The following ZFHX3 variants were observed in gnomAD, a reference collection of about 807,000 sequenced individuals.
ZFHX3 encodes zinc finger homeobox 3, also known as zinc finger homeobox protein 3.
In ZFHX3, 42 loss-of-function variants were observed where a neutral mutation model predicts 279.1. The ratio of observed to expected loss-of-function variants is 0.15; its 90% CI spans 0.12 to 0.19. The LOEUF (loss-of-function observed/expected upper bound fraction) is 0.19, where lower values mean the gene tolerates loss of function less well. ZFHX3 is among the 10% of genes least tolerant of loss of function. The pLI, the probability that ZFHX3 is intolerant of heterozygous loss-of-function variation, is 1.00. For synonymous variants in ZFHX3, 2,293 were observed against 1,957.8 expected, an observed-to-expected ratio of 1.17 and a Z score of -4.52; for missense variants, 4,981 against 4,754.0, an observed-to-expected ratio of 1.05 and a Z score of -1.40.
chr16:73,193,304 C>T lies in ZFHX3; in HGVS notation c.-1103-49473G>A, dbSNP rs539650178. Among the ~76,000 whole-genome samples, 32 of 152,310 alleles carry T rather than the reference C, an allele frequency of 2.1e-4. No homozygotes were observed. The East Asian group carries it at 6.2e-3, about 29-fold the overall frequency. ...CCTCTCTGGGCCTCAGTTTTCTAGC[C>T]TGTAACATAATCTCCACCCTGTCTG... On this transcript the variant is annotated intron_variant, in intron 5 of 17. Coordinates refer to the ZFHX3 transcript ENST00000641206.
chr16:73,092,785 G>A, intron 8 of ZFHX3: 1 of 378,678 alleles, frequency 2.6e-6, no homozygotes, highest in Middle Eastern at 9.5e-4. Flanking sequence ...GCTATTTATG[G>A]GTTGCTTGGG....
At chr16:73,526,032 G>A (rs2019686139) in intron 2 of ZFHX3, among the ~76,000 whole-genome samples, 1 of 152,156 alleles carries the variant, frequency 6.6e-6, no homozygotes, top group African/African-American at 2.4e-5. Flanking sequence ...TTGGGGACGG[G>A]GAAGGAAATA....
intron 2 of ZFHX3, among the ~76,000 whole-genome samples, chr16:73,634,433 A>ATATATATATAT (rs1197229737): frequency 2.0e-4 from 12 of 59,908 alleles, no homozygotes; most frequent in African/African-American, 5.2e-4. Context: ...TATTATGTAT[A>ATATATATATAT]ATATATATAT....
At chr16:73,209,416 G>T (rs1282445709) in intron 5 of ZFHX3, among the ~76,000 whole-genome samples, 4 of 152,158 alleles carry the variant, frequency 2.6e-5, no homozygotes, top group Admixed American at 6.5e-5. Context: ...TCTGGTGTCT[G>T]GTGAGAGCCT....
chr16:72,901,673 CAGA>C (rs1282667579), intron 3 of ZFHX3, among the ~76,000 whole-genome samples: 7 of 152,132 alleles, frequency 4.6e-5, no homozygotes, highest in African/African-American at 1.7e-4. Context: ...TTGAAAGAGA[CAGA>C]CTTGTCGGAG....
intron 2 of ZFHX3, among the ~76,000 whole-genome samples, chr16:73,502,718 G>A (rs1295721093): frequency 6.6e-6 from 1 of 152,208 alleles, no homozygotes; most frequent in East Asian, 1.9e-4. Context: ...GCCGCTGAAA[G>A]AGTGAGAAGA....
intron 1 of ZFHX3, among the ~76,000 whole-genome samples, chr16:73,832,973 T>C (rs1382624604): frequency 6.6e-6 from 1 of 152,236 alleles, no homozygotes; most frequent in African/African-American, 2.4e-5. Flanking sequence ...TGAATGTCTA[T>C]ACCAGCCTTA....
chr16:73,387,301 T>A (rs752997450), intron 3 of ZFHX3: 14 of 152,220 alleles, frequency 9.2e-5, no homozygotes, highest in Non-Finnish European at 1.8e-4. Flanking sequence ...TCACATTTCA[T>A]TCTGCTTTGT....
At chr16:72,887,274 G>A (rs72795113) in intron 4 of ZFHX3, among the ~76,000 whole-genome samples, 4,406 of 152,220 alleles carry the variant, frequency 0.029, 89 homozygotes, top group Non-Finnish European at 0.042. Context: ...AGAGCAGAGC[G>A]TTCAGAGATT....
intron 1 of ZFHX3, among the ~76,000 whole-genome samples, chr16:73,750,830 G>T (rs1199245986): frequency 1.3e-5 from 2 of 152,000 alleles, no homozygotes; most frequent in African/African-American, 2.4e-5. Context: ...TGGGAATTTA[G>T]AAAAGAAAAG....
At chr16:73,879,095 A>G (rs2030055052) in intron 1 of ZFHX3, among the ~76,000 whole-genome samples, 1 of 151,724 alleles carries the variant, frequency 6.6e-6, no homozygotes, top group South Asian at 2.1e-4. Flanking sequence ...CTTGAGGACC[A>G]AGTTAACAAC....
intron 1 of ZFHX3, among the ~76,000 whole-genome samples, chr16:73,766,181 T>G (rs2053939952): frequency 6.6e-6 from 1 of 152,192 alleles, no homozygotes; most frequent in Non-Finnish European, 1.5e-5. Flanking sequence ...AGTGACAGCG[T>G]GCATAAAATC....
chr16:73,352,484 T>C (rs1207450656), intron 3 of ZFHX3, among the ~76,000 whole-genome samples: 1 of 135,688 alleles, frequency 7.4e-6, no homozygotes, highest in African/African-American at 2.8e-5. Flanking sequence ...CTTTTTTTTT[T>C]TTTTTTTTTT....
chr16:73,588,975 C>G (rs575497440), intron 2 of ZFHX3, among the ~76,000 whole-genome samples: 7 of 151,376 alleles, frequency 4.6e-5, no homozygotes, highest in South Asian at 2.1e-4. Context: ...TAAAAAATGA[C>G]CTTGGCCAGG....
chr16:72,795,727 T>C lies in ZFHX3; in HGVS notation c.6955A>G (p.Arg2319Gly). Residue 2319 changes from arginine (R) to glycine (G), a missense_variant, in exon 9 of 10, where the codon AGA becomes GGA. Arg to Gly is a moderately radical substitution (Grantham distance 125, BLOSUM62 -2). Coordinates refer to ENST00000268489, the MANE Select transcript of ZFHX3 (RefSeq NM_006885.4). Reference protein sequence around the residue: ...DGERRELTNDRYIRTSNLNYQ... With the variant: ...DGERRELTNDGYIRTSNLNYQ... ...TTCAAGTTGCTTGTTCGAATGTATC[T>C]ATCATTTGTAAGCTCACGCCGCTCT... 1 of 1,614,166 alleles carries C rather than the reference T, an allele frequency of 6.2e-7. No homozygotes were observed. The highest frequency in any genetic ancestry group is 8.5e-7 in the Non-Finnish European group (1 of 1,180,030).
intron 1 of ZFHX3, among the ~76,000 whole-genome samples, chr16:73,752,241 C>T (rs951997295): frequency 2.6e-5 from 4 of 152,104 alleles, no homozygotes; most frequent in African/African-American, 7.2e-5. Context: ...TGGTCTATAA[C>T]GACCTCCTTT....
rs150034024 is a variant in ZFHX3, at chr16:73,427,765, C to T, written c.-1291+28238G>A. Among the ~76,000 whole-genome samples the T allele has an allele frequency of 4.2e-3, 642 of 151,168 alleles. 5 individuals are homozygous for T. The highest frequency in any genetic ancestry group is 0.015 in the African/African-American group (599 of 41,190). Reference sequence around the variant, plus strand: ...CCCGGCCAATATGGTGAAACCCTGTCTCTACTAAAAAAAAAAAAAATACAA... The same window carrying T: ...CCCGGCCAATATGGTGAAACCCTGTTTCTACTAAAAAAAAAAAAAATACAA... On this transcript the variant is annotated intron_variant, in intron 3 of 17. Coordinates refer to the ZFHX3 transcript ENST00000641206.
At chr16:72,995,768 C>T (rs1422925604) in intron 1 of ZFHX3, among the ~76,000 whole-genome samples, 3 of 152,302 alleles carry the variant, frequency 2.0e-5, no homozygotes, top group Middle Eastern at 6.8e-3. Context: ...AGCGTTTCAC[C>T]ATCAACAAAG....
chr16:73,568,325 TTAATGTCTTTGTGGGCATTTCCG>T (rs1273864388), intron 2 of ZFHX3, among the ~76,000 whole-genome samples: 72 of 152,306 alleles, frequency 4.7e-4, no homozygotes, highest in Non-Finnish European at 7.5e-4. Flanking sequence ...AATATTTTTG[TTAATGTCTTTGTGGGCATTTCCG>T]TCATCTTTCC....
Sources: gnomAD v4.1 joint callset for allele counts (sites outside exome capture counted in the v4.1 genomes callset) on GRCh38, gnomAD v4.1.1 for gene constraint, MANE v1.5 for transcripts, NCBI Gene and HGNC (gene_info 2026-07-23, HGNC 2026-07-21) for gene names.